RB1: variants seen among roughly 807,000 people sequenced by gnomAD.
RB1 encodes RB transcriptional corepressor 1, also known as retinoblastoma-associated protein.
A neutral mutation model predicts 135.4 loss-of-function variants in RB1; 18 were observed. That is an observed-to-expected ratio of 0.13 (90% CI 0.09 to 0.20). The LOEUF (loss-of-function observed/expected upper bound fraction) is 0.20. Ranked by LOEUF, RB1 falls within the 10% of genes least tolerant of loss-of-function variation. RB1 has a pLI of 1.00. For missense variants in RB1, 868 were observed against 1,110.0 expected, an observed-to-expected ratio of 0.78 and a Z score of 3.10; for synonymous variants, 365 against 373.2, an observed-to-expected ratio of 0.98 and a Z score of 0.25.
intron 2 of RB1, among the ~76,000 whole-genome samples, chr13:48,315,562 A>AT (rs1390946534): frequency 2.6e-5 from 4 of 152,110 alleles, no homozygotes; most frequent in Non-Finnish European, 2.9e-5. Context: ...TACCATGTTG[A>AT]ATAGGAGTGG....
In RB1 at chr13:48,317,870, C is replaced by G. The variant is rs570822091; in HGVS notation, c.264+10464C>G. 357 of 399,466 alleles carry G rather than the reference C, an allele frequency of 8.9e-4. 1 individual carries two copies. The highest frequency in any genetic ancestry group is 7.3e-4 in the Non-Finnish European group (153 of 209,214). 24.7% of individuals were successfully genotyped at this position (399,466 alleles called of 1,614,324 possible). Reference sequence around the variant, plus strand: ...GCCCGCTCCTTCCTGCACAGCAACTCTGGCCTGAATGAGCCCCATTTCCCG... The same window carrying G: ...GCCCGCTCCTTCCTGCACAGCAACTGTGGCCTGAATGAGCCCCATTTCCCG... On this transcript the variant is annotated intron_variant, in intron 2 of 26. Transcript: ENST00000267163.
At chr13:48,452,101 G>T (rs1202001175) in intron 17 of RB1, among the ~76,000 whole-genome samples, 4 of 151,538 alleles carry the variant, frequency 2.6e-5, no homozygotes, top group Non-Finnish European at 4.4e-5. Flanking sequence ...TTGTGTCTCT[G>T]TCTCCTTCAG....
intron 1 of RB1, 33 bp from the exon 2 acceptor site, chr13:48,307,247 T>A: frequency 6.4e-7 from 1 of 1,566,552 alleles, no homozygotes; most frequent in South Asian, 1.1e-5. Flanking sequence ...TTTATAAGTA[T>A]ATGCCAATTA....
At chr13:48,359,195 C>T (rs1188169278) in intron 6 of RB1, among the ~76,000 whole-genome samples, 4 of 151,876 alleles carry the variant, frequency 2.6e-5, no homozygotes, top group East Asian at 3.9e-4. Context: ...TATGTAGCTA[C>T]ACTATTTGTT....
intron 2 of RB1, among the ~76,000 whole-genome samples, chr13:48,326,279 T>C (rs903678381): frequency 5.9e-5 from 9 of 152,148 alleles, no homozygotes; most frequent in Non-Finnish European, 2.9e-5. Flanking sequence ...TAATTTCTTT[T>C]TTTTCCTCTG....
chr13:48,372,723 A>G (rs1675605148), intron 11 of RB1, among the ~76,000 whole-genome samples: 1 of 152,150 alleles, frequency 6.6e-6, no homozygotes, highest in Admixed American at 6.5e-5. Context: ...AGCTGAGAAC[A>G]CTGAGCATAT....
At chr13:48,312,880 G>A (rs969016718) in intron 2 of RB1, among the ~76,000 whole-genome samples, 2 of 152,090 alleles carry the variant, frequency 1.3e-5, no homozygotes, top group Non-Finnish European at 2.9e-5. Context: ...AAAGACTGGT[G>A]TACAGTTTGC....
At chr13:48,380,817 A>G (rs965381627) in intron 16 of RB1, among the ~76,000 whole-genome samples, 7 of 152,216 alleles carry the variant, frequency 4.6e-5, no homozygotes, top group Admixed American at 2.0e-4. Context: ...CAGATAAGGA[A>G]AACTGTGAAT....
In RB1 at chr13:48,319,175, C is replaced by T. The variant is rs550757505; in HGVS notation, c.264+11769C>T. ...GGGAATGGTCAGCGTCTAGGCACCC[C>T]GGGCAAGGGTCTGTGGCCTTGGTGG... On this transcript the variant is annotated intron_variant, in intron 2 of 26. Transcript: ENST00000267163. This position sits in a 1 kb window ranked among gnomAD's most constrained non-coding sequence, Gnocchi z 5.0. The T allele has an allele frequency of 1.9e-4, 117 of 622,628 alleles. No homozygotes were observed. The highest frequency in any genetic ancestry group is 2.7e-4 in the Non-Finnish European group (98 of 360,882). The allele number at this position is 622,628 out of a possible 1,614,324, so 38.6% of individuals were successfully genotyped here.
rs934137011 is a variant in RB1, at chr13:48,456,171, T to G, written c.1815-33T>G. On this transcript the variant is annotated intron_variant, in intron 18 of 26. Coordinates refer to ENST00000267163, the MANE Select transcript of RB1 (RefSeq NM_000321.3). The stretch of plus-strand genomic sequence containing the variant: ...TATAATCTGTGATTCTTAGCCAACT[T>G]GAAATGAAGACTTTTCCTTTAAATA... The G allele has an allele frequency of 1.9e-6, 3 of 1,612,684 alleles. No individual in the cohort carries two copies. The Admixed American group carries it at 5.0e-5, about 27-fold the overall frequency.
chr13:48,467,274 A>T (rs1187603250), intron 23 of RB1, among the ~76,000 whole-genome samples: 4 of 80,138 alleles, frequency 5.0e-5, no homozygotes, highest in Non-Finnish European at 7.8e-5. Flanking sequence ...AAAGAAAAGA[A>T]TTTTCAACCC....
At chr13:48,359,879 AAAAAG>A in intron 6 of RB1, 133 bp from the exon 7 acceptor site, 4 of 1,337,784 alleles carry the variant, frequency 3.0e-6, no homozygotes, top group Non-Finnish European at 2.9e-6. Context: ...TTTTTACAAA[AAAAAG>A]AAAGAAAATC....
intron 6 of RB1, among the ~76,000 whole-genome samples, chr13:48,351,523 A>ATT (rs1952547646): frequency 6.6e-6 from 1 of 151,776 alleles, no homozygotes; most frequent in South Asian, 2.1e-4. Context: ...ATTTTTCCCC[A>ATT]TTCTGTAGGT....
chr13:48,405,688 TATAAAGCATTAAC>T (rs2138187690), intron 17 of RB1, among the ~76,000 whole-genome samples: 1 of 152,338 alleles, frequency 6.6e-6, no homozygotes, highest in South Asian at 2.1e-4. Context: ...CAATACCCAA[TATAAAGCATTAAC>T]ATGTTTCCCA....
chr13:48,456,899 C>T (rs1949364150), intron 19 of RB1, among the ~76,000 whole-genome samples: 1 of 152,222 alleles, frequency 6.6e-6, no homozygotes, highest in Non-Finnish European at 1.5e-5. Flanking sequence ...CGCCAGAAAC[C>T]ACAGGGCCCC....
intron 8 of RB1, among the ~76,000 whole-genome samples, chr13:48,364,517 T>G (rs867713975): frequency 5.3e-5 from 8 of 152,228 alleles, no homozygotes; most frequent in South Asian, 2.1e-4. Context: ...ATACAAAATA[T>G]ATGTGAATTC....
intron 17 of RB1, among the ~76,000 whole-genome samples, chr13:48,444,065 T>A (rs1949264051): frequency 6.6e-6 from 1 of 152,166 alleles, no homozygotes; most frequent in African/African-American, 2.4e-5. Flanking sequence ...ACTGTCTACT[T>A]GGAGATAGTG....
intron 23 of RB1, among the ~76,000 whole-genome samples, chr13:48,471,580 A>AAAAAG (rs1949470744): frequency 6.7e-6 from 1 of 150,116 alleles, no homozygotes; most frequent in African/African-American, 2.4e-5. Context: ...AAATAAAAAA[A>AAAAAG]AAAAAAAGAA....
intron 2 of RB1, among the ~76,000 whole-genome samples, chr13:48,332,526 G>A: frequency 6.6e-6 from 1 of 152,196 alleles, no homozygotes; most frequent in East Asian, 1.9e-4. Context: ...AGCTATTATT[G>A]TGCCACAGCA....
Sources: allele counts gnomAD v4.1 joint callset (sites outside exome capture counted in the v4.1 genomes callset), GRCh38; gene constraint gnomAD v4.1.1; non-coding constraint Gnocchi (gnomAD v3.1); transcripts MANE v1.5; gene names NCBI Gene and HGNC (gene_info 2026-07-23, HGNC 2026-07-21).